Variants in SYNE2 observed in about 807,000 individuals in gnomAD.
The protein encoded by SYNE2 is nesprin-2.
A neutral mutation model predicts 856.3 loss-of-function variants in SYNE2; 431 were observed. The ratio of observed to expected loss-of-function variants is 0.50; its 90% CI spans 0.47 to 0.55. The LOEUF is 0.55. Ranked by LOEUF, SYNE2 falls within the 20% of genes least tolerant of loss-of-function variation. The pLI is 0.00. For synonymous variants in SYNE2, 2,923 were observed against 2,872.3 expected, an observed-to-expected ratio of 1.02 and a Z score of -0.56; for missense variants, 8,129 against 8,023.2, an observed-to-expected ratio of 1.01 and a Z score of -0.50.
chr14:63,938,724 C>T (rs1595750262), intron 2 of SYNE2, among the ~76,000 whole-genome samples: 1 of 151,986 alleles, frequency 6.6e-6, no homozygotes, highest in African/African-American at 2.4e-5. Context: ...GCCAGGTTTC[C>T]ATGAAAGCAG....
In SYNE2 at chr14:64,051,707, C is replaced by G; in HGVS notation, c.7794C>G (p.Ser2598Arg). 6.2e-7 allele frequency: 1 copy of G among 1,614,104 alleles called. No individual in the cohort carries two copies. Among genetic ancestry groups the G allele is most frequent in the East Asian group, 2.2e-5 (1 of 44,886 alleles). ...VTDMDKKLLE[S>R]QIKQLEHGWE... ...ACATGGATAAGAAATTGTTGGAAAG[C>G]CAGATTAAGCAACTTGAACATGGTT... The change falls in exon 48 of 116, where the codon AGC becomes AGG. Residue 2598 changes from serine (S) to arginine (R), a missense_variant. Coordinates refer to ENST00000555002, the MANE Select transcript of SYNE2 (RefSeq NM_182914.3).
At chr14:63,864,248 G>A (rs1894597060) in intron 1 of SYNE2, 1 of 152,162 alleles carries the variant, frequency 6.6e-6, no homozygotes. Context: ...ATACGTCTTT[G>A]TTTAAAAGAA....
At chr14:64,205,216 G>A (rs540679516) in intron 100 of SYNE2, among the ~76,000 whole-genome samples, 8 of 152,098 alleles carry the variant, frequency 5.3e-5, no homozygotes, top group Non-Finnish European at 1.2e-4. Context: ...TCTTTGTTGG[G>A]GGGTTGGGGG....
intron 79 of SYNE2, among the ~76,000 whole-genome samples, chr14:64,138,566 T>C (rs563888638): frequency 5.3e-5 from 8 of 152,306 alleles, no homozygotes; most frequent in Admixed American, 1.3e-4. Flanking sequence ...CTAGGAATTA[T>C]GTTATAAAAT....
At chr14:64,188,025 ATGAG>A (rs1301998217) in intron 97 of SYNE2, among the ~76,000 whole-genome samples, 1 of 152,186 alleles carries the variant, frequency 6.6e-6, no homozygotes, top group Non-Finnish European at 1.5e-5. Flanking sequence ...AGTGGGTTAA[ATGAG>A]TGATGTACAT....
At chr14:63,979,374 T>A (rs931048144) in intron 14 of SYNE2, among the ~76,000 whole-genome samples, 1 of 152,252 alleles carries the variant, frequency 6.6e-6, no homozygotes, top group African/African-American at 2.4e-5. Flanking sequence ...CATGCAGTAA[T>A]TACATTTTTC....
chr14:63,949,769 C>A, intron 6 of SYNE2, 56 bp from the exon 7 acceptor site: 1 of 1,599,052 alleles, frequency 6.3e-7, no homozygotes, highest in Non-Finnish European at 8.6e-7. Context: ...GAAATTTTGG[C>A]CCAATGCTGG....
chr14:64,092,690 C>A (rs76361129), intron 60 of SYNE2, among the ~76,000 whole-genome samples: 1 of 152,150 alleles, frequency 6.6e-6, no homozygotes. Flanking sequence ...TGTTTTTCAT[C>A]GTGCTTAATC....
chr14:64,052,987 T>C lies in SYNE2; in HGVS notation c.9074T>C (p.Phe3025Ser). The change falls in exon 48 of 116, where the codon TTT (phenylalanine) becomes TCT (serine). Residue 3025 changes from phenylalanine to serine, a missense_variant. Coordinates refer to ENST00000555002, the MANE Select transcript of SYNE2 (RefSeq NM_182914.3). ...SQLDQLQTQV[F>S]EKEKELEEKI... The stretch of plus-strand genomic sequence containing the variant: ...CTTGACCAATTACAAACCCAAGTAT[T>C]TGAAAAAGAAAAGGAACTTGAAGAA... 1.2e-6 allele frequency: 2 copies of C among 1,610,564 alleles called. No individual in the cohort carries two copies. Among genetic ancestry groups the C allele is most frequent in the Non-Finnish European group, 8.5e-7 (1 of 1,179,292 alleles).
chr14:64,151,681 T>C (rs940964453), intron 84 of SYNE2, among the ~76,000 whole-genome samples: 1 of 152,110 alleles, frequency 6.6e-6, no homozygotes, highest in African/African-American at 2.4e-5. Context: ...TGGATGGGAA[T>C]GTAATGCTAA....
intron 2 of SYNE2, among the ~76,000 whole-genome samples, chr14:63,926,805 T>G (rs1222055609): frequency 6.6e-6 from 1 of 152,214 alleles, no homozygotes; most frequent in African/African-American, 2.4e-5. Context: ...TGTCATTGAT[T>G]ACAGATTGAG....
Position 63,880,078 on chromosome 14 carries a change from A to G in SYNE2, c.-52+26935A>G, listed in dbSNP as rs117990048. ...GGTTGACATTAAGTGGTTTTATTTT[A>G]TTTTATTTTATTCATTTATTTAATT... On this transcript the variant is annotated intron_variant, in intron 1 of 115. Coordinates refer to ENST00000555002, the MANE Select transcript of SYNE2 (RefSeq NM_182914.3). Among the ~76,000 whole-genome samples, 171 of 152,006 alleles carry G rather than the reference A, an allele frequency of 1.1e-3. 2 individuals carry two copies. The South Asian group carries it at 0.016, about 14-fold the overall frequency.
chr14:63,893,028 C>T (rs1595478086), intron 1 of SYNE2, among the ~76,000 whole-genome samples: 1 of 151,988 alleles, frequency 6.6e-6, no homozygotes, highest in African/African-American at 2.4e-5. Flanking sequence ...CAGTGAGGGT[C>T]TACACAGTTA....
chr14:64,069,830 A>T (rs1311674824), intron 51 of SYNE2, among the ~76,000 whole-genome samples: 1 of 152,162 alleles, frequency 6.6e-6, no homozygotes, highest in Non-Finnish European at 1.5e-5. Context: ...TTCAGTTAGC[A>T]TGATATCATA....
intron 93 of SYNE2, 124 bp from the exon 94 acceptor site, chr14:64,170,104 A>C: frequency 1.1e-6 from 1 of 899,426 alleles, no homozygotes. Context: ...AGGTGTTTAG[A>C]AGTTGGGATT....
At chr14:63,906,766 T>G (rs1328429460) in intron 1 of SYNE2, among the ~76,000 whole-genome samples, 1 of 152,198 alleles carries the variant, frequency 6.6e-6, no homozygotes, top group East Asian at 1.9e-4. Context: ...TGCTATTTTG[T>G]AAAAAGTACA....
chr14:63,814,110 A>C (rs1241128409), intron 1 of SYNE2, among the ~76,000 whole-genome samples: 1 of 151,454 alleles, frequency 6.6e-6, no homozygotes, highest in African/African-American at 2.4e-5. Flanking sequence ...AATAACAAAA[A>C]ACTAAAAAAA....
chr14:63,944,305 T>TATATATATATATAA (rs1351171279), intron 6 of SYNE2, among the ~76,000 whole-genome samples: 3 of 129,708 alleles, frequency 2.3e-5, no homozygotes, highest in African/African-American at 8.6e-5. Flanking sequence ...TATATATATA[T>TATATATATATATAA]ATAAATAAAT....
chr14:63,805,126 C>A (rs1340053873), intron 1 of SYNE2, among the ~76,000 whole-genome samples: 1 of 152,190 alleles, frequency 6.6e-6, no homozygotes, highest in Non-Finnish European at 1.5e-5. Flanking sequence ...CGATACCGTA[C>A]TAGCCTTGTA....
Sources: allele counts gnomAD v4.1 joint callset (sites outside exome capture counted in the v4.1 genomes callset), GRCh38; gene constraint gnomAD v4.1.1; transcripts MANE v1.5; gene names NCBI Gene and HGNC (gene_info 2026-07-23, HGNC 2026-07-21).